QSER1: variants seen among roughly 807,000 people sequenced by gnomAD.
QSER1 encodes glutamine and serine-rich protein 1.
QSER1 carries 49 observed loss-of-function variants against 158.5 expected under a neutral mutation model. The observed-to-expected ratio is 0.31, with a 90% CI of 0.25 to 0.39. The LOEUF (loss-of-function observed/expected upper bound fraction) is 0.39. Among genes scored for constraint, QSER1 ranks in the 10% least tolerant of loss-of-function variants. The pLI is 1.00. For synonymous variants in QSER1, 650 were observed against 715.5 expected (o/e 0.91, Z 1.46); for missense variants, 1,754 against 2,010.3 (o/e 0.87, Z 2.44).
At chr11:32,903,741 A>G (rs1359851361) in intron 1 of QSER1, among the ~76,000 whole-genome samples, 1 of 152,010 alleles carries the variant, frequency 6.6e-6, no homozygotes, top group African/African-American at 2.4e-5. Flanking sequence ...CCTCCCAAGT[A>G]GCCGAGATTA....
intron 1 of QSER1, among the ~76,000 whole-genome samples, chr11:32,925,491 C>CTTTTT (rs199729836): frequency 1.3e-4 from 18 of 136,396 alleles, no homozygotes; most frequent in Non-Finnish European, 2.3e-4. Flanking sequence ...TGATACATCG[C>CTTTTT]TTTTTTATTT....
intron 2 of QSER1, among the ~76,000 whole-genome samples, chr11:32,927,749 A>C (rs1851992799): frequency 6.6e-6 from 1 of 152,160 alleles, no homozygotes; most frequent in African/African-American, 2.4e-5. Flanking sequence ...ATAATTAATA[A>C]ATTAAAAGAT....
chr11:32,964,717 C>CATATATATATATATAT (rs375985842), intron 8 of QSER1, among the ~76,000 whole-genome samples: 12 of 64,236 alleles, frequency 1.9e-4, no homozygotes, highest in Non-Finnish European at 2.4e-4. Context: ...AAAAAAACAC[C>CATATATATATATATAT]ATATATATAT....
rs1025832986 is a variant in QSER1, at chr11:32,980,252, A to AT, written c.*3785dup. On this transcript the variant is annotated 3_prime_UTR_variant, in exon 13 of 13. Coordinates refer to ENST00000650167, the MANE Select transcript of QSER1 (RefSeq NM_001076786.3). ...AACTCAGATCATTAAAATGAAAACA[A>AT]TTTTTTTAAACAAGAAAATCAGAAT... 6.6e-6 allele frequency: 1 copy of AT among 152,626 alleles called. No homozygotes were observed. Among genetic ancestry groups the AT allele is most frequent in the Admixed American group, 6.5e-5 (1 of 15,278 alleles). The allele number at this position is 152,626 out of a possible 1,614,324, so 9.5% of individuals were successfully genotyped here.
intron 7 of QSER1, 76 bp downstream of exon 7, chr11:32,956,197 A>G (rs1391329928): frequency 2.4e-6 from 3 of 1,274,814 alleles, no homozygotes; most frequent in African/African-American, 3.0e-5. Context: ...ACAAAGGAGC[A>G]TATCAATTAA....
At chr11:32,916,029 G>A (rs1851826409) in intron 1 of QSER1, among the ~76,000 whole-genome samples, 1 of 151,826 alleles carries the variant, frequency 6.6e-6, no homozygotes, top group South Asian at 2.1e-4. Context: ...AGCCTCCCGA[G>A]TAGCTGGGAT....
At chr11:32,926,698 A>G (rs890785286) in intron 1 of QSER1, 6 of 152,156 alleles carry the variant, frequency 3.9e-5, no homozygotes, top group Non-Finnish European at 8.8e-5. Context: ...TATTTATTTG[A>G]ATTATCTGTT....
rs1356614132 is a variant in QSER1 at position 32,893,670 on chromosome 11, C to G, written c.209+336C>G. 6.6e-6 allele frequency among the ~76,000 whole-genome samples: 1 copy of G among 152,110 alleles called. No individual in the cohort carries two copies. The highest frequency in any genetic ancestry group is 1.5e-5 in the Non-Finnish European group (1 of 68,010). ...GATCTGTGAGACCCAGGATTGGCGC[C>G]GGGGGTCCGAAGGGGGCGCCGGAGA... is the stretch of plus-strand genomic sequence containing the variant. On this transcript the variant is annotated intron_variant, in intron 1 of 12. Transcript: ENST00000650167. The surrounding 1 kb of genome is among the most constrained non-coding windows in gnomAD (Gnocchi z 4.7).
At chr11:32,975,404 A>G (rs780368857) in intron 12 of QSER1, 61 bp downstream of exon 12, 48 of 1,592,398 alleles carry the variant, frequency 3.0e-5, no homozygotes, top group South Asian at 4.4e-5. Context: ...GACTCTAGCC[A>G]TAGTATTTTG....
At chr11:32,902,861 A>G (rs1851642808) in intron 1 of QSER1, among the ~76,000 whole-genome samples, 1 of 152,220 alleles carries the variant, frequency 6.6e-6, no homozygotes, top group Non-Finnish European at 1.5e-5. Context: ...TTAGCCCGTT[A>G]TATAGACAAG....
chr11:32,931,627 AG>A, intron 3 of QSER1, 115 bp from the exon 4 acceptor site: 1 of 729,790 alleles, frequency 1.4e-6, no homozygotes, highest in Non-Finnish European at 2.2e-6. Flanking sequence ...CTAACTGGTC[AG>A]GTTTTTCAGT....
chr11:32,933,743 A>C lies in QSER1; in HGVS notation c.2485A>C (p.Asn829His). 1 of 1,613,872 alleles carries C rather than the reference A, an allele frequency of 6.2e-7. No individual in the cohort carries two copies. Among genetic ancestry groups the C allele is most frequent in the East Asian group, 2.2e-5 (1 of 44,892 alleles). Residue 829 changes from asparagine to histidine, a missense_variant, in exon 4 of 13, where the codon AAT becomes CAT. By Grantham distance (68) the Asn-to-His change is moderately conservative. Coordinates refer to ENST00000650167, the MANE Select transcript of QSER1 (RefSeq NM_001076786.3). The part of the protein sequence containing the change: ...KVQEQHDQII[N>H]ASSQIQIPNH... ...CCAGGAACAGCACGATCAAATAATT[A>C]ATGCTTCATCTCAGATTCAAATTCC... is the stretch of plus-strand genomic sequence containing the variant.
chr11:32,922,780 C>T (rs1851915622), intron 1 of QSER1, among the ~76,000 whole-genome samples: 1 of 151,898 alleles, frequency 6.6e-6, no homozygotes, highest in African/African-American at 2.4e-5. Context: ...CCACCATGCC[C>T]GGCCTATTTT....
At chr11:32,905,097 G>C (rs1015036867) in intron 1 of QSER1, among the ~76,000 whole-genome samples, 3 of 152,192 alleles carry the variant, frequency 2.0e-5, no homozygotes, top group Non-Finnish European at 4.4e-5. Flanking sequence ...ACTCTTTAGG[G>C]ATCCTGACCG....
In QSER1 at chr11:32,973,433, A is replaced by G. The variant is rs375661647; in HGVS notation, c.5242A>G (p.Thr1748Ala). The change falls in exon 11 of 13, where the codon ACT (threonine) becomes GCT (alanine). Residue 1748 changes from threonine to alanine, a missense_variant. This residue lies in a region of QSER1 where 1,707 missense variants were observed against 1,919.6 expected (regional missense o/e 0.89). Transcript: ENST00000650167. ...LESFPELTII[T>A]RDSKAKSGGT... ...AAGTTTTCCTGAACTAACAATAATT[A>G]CTCGAGATTCTAAAGCAAAGAGTGG... The G allele has an allele frequency of 1.4e-5, 23 of 1,613,646 alleles. No individual in the cohort carries two copies. The highest frequency in any genetic ancestry group is 1.7e-5 in the Admixed American group (1 of 59,954).
intron 1 of QSER1, among the ~76,000 whole-genome samples, chr11:32,896,483 T>G (rs1401589964): frequency 1.3e-5 from 2 of 152,216 alleles, no homozygotes; most frequent in East Asian, 3.9e-4. Flanking sequence ...GCCTCCTGAG[T>G]AGCTAACCAC....
At chr11:32,970,674 G>A (rs1208352759) in intron 10 of QSER1, among the ~76,000 whole-genome samples, 1 of 152,104 alleles carries the variant, frequency 6.6e-6, no homozygotes, top group Non-Finnish European at 1.5e-5. Flanking sequence ...CAAAGTGCTG[G>A]GATTAATAGG....
chr11:32,914,844 A>G (rs572326609), intron 1 of QSER1, among the ~76,000 whole-genome samples: 1 of 152,342 alleles, frequency 6.6e-6, no homozygotes, highest in East Asian at 1.9e-4. Flanking sequence ...GAAGTTGACT[A>G]AAAAATGGTC....
intron 1 of QSER1, among the ~76,000 whole-genome samples, chr11:32,905,704 T>G (rs1225051098): frequency 6.6e-6 from 1 of 152,216 alleles, no homozygotes; most frequent in Non-Finnish European, 1.5e-5. Context: ...TCGTAAGTTG[T>G]GTTTTAATAA....
Sources: allele counts gnomAD v4.1 joint callset (sites outside exome capture counted in the v4.1 genomes callset), GRCh38; gene constraint gnomAD v4.1.1; regional missense constraint gnomAD v4.1.1; non-coding constraint Gnocchi (gnomAD v3.1); transcripts MANE v1.5; gene names NCBI Gene and HGNC (gene_info 2026-07-23, HGNC 2026-07-21).